Variants in UGT8 observed in about 807,000 individuals in gnomAD.
UGT8 encodes UDP glycosyltransferase 8, also known as 2-hydroxyacylsphingosine 1-beta-galactosyltransferase.
UGT8 carries 12 observed loss-of-function variants against 40.5 expected under a neutral mutation model. The ratio of observed to expected loss-of-function variants is 0.30; its 90% CI spans 0.19 to 0.48. The LOEUF is 0.48. UGT8 is among the 20% of genes least tolerant of loss of function. The probability of loss-of-function intolerance (pLI) is 0.99; values close to 1 mark genes in which losing one functional copy is unlikely to be tolerated. For synonymous variants in UGT8, 224 were observed against 240.4 expected (o/e 0.93, Z 0.63); for missense variants, 513 against 648.7 (o/e 0.79, Z 2.27).
At chr4:114,673,452 G>A (rs554879680) in intron 5 of UGT8, among the ~76,000 whole-genome samples, 5 of 152,274 alleles carry the variant, frequency 3.3e-5, no homozygotes, top group Admixed American at 2.6e-4. Context: ...GAGTCTGACC[G>A]ATGAAAGTCC....
chr4:114,625,882 CT>C (rs1475005787), intron 2 of UGT8, among the ~76,000 whole-genome samples: 1 of 152,098 alleles, frequency 6.6e-6, no homozygotes, highest in Non-Finnish European at 1.5e-5. Context: ...GCTTGACTTT[CT>C]TTGTGGAGTT....
chr4:114,633,834 C>G (rs1732724723), intron 2 of UGT8, among the ~76,000 whole-genome samples: 1 of 152,032 alleles, frequency 6.6e-6, no homozygotes, highest in Non-Finnish European at 1.5e-5. Flanking sequence ...ATCCCAGCTA[C>G]TCGGGAGACT....
Position 114,675,990 on chromosome 4 carries a change from G to A in UGT8, c.1328G>A (p.Arg443Gln), listed in dbSNP as rs1174858436. The A allele has an allele frequency of 1.2e-6, 2 of 1,614,090 alleles. No individual in the cohort carries two copies. Among genetic ancestry groups the A allele is most frequent in the African/African-American group, 1.3e-5 (1 of 75,022 alleles). ...HKDQPGHPVN[R>Q]TIYWIDYIIR... Reference sequence around the variant, plus strand: ...GATCAACCTGGTCACCCTGTCAATCGAACTATCTATTGGATAGATTATATT... The same window carrying A: ...GATCAACCTGGTCACCCTGTCAATCAAACTATCTATTGGATAGATTATATT... The change falls in exon 6 of 6, where the codon CGA (arginine) becomes CAA (glutamine). Residue 443 changes from arginine (R) to glutamine (Q), a missense_variant. This residue lies in a region of UGT8 where 175 missense variants were observed against 186.7 expected (regional missense o/e 0.94). Coordinates refer to ENST00000310836, the MANE Select transcript of UGT8 (RefSeq NM_001128174.3).
intron 2 of UGT8, among the ~76,000 whole-genome samples, chr4:114,630,673 A>T (rs1172650556): frequency 1.3e-5 from 2 of 150,650 alleles, no homozygotes; most frequent in East Asian, 3.9e-4. Flanking sequence ...TATTTTTCTT[A>T]GTGAAGTAGA....
chr4:114,676,429 G>A lies in UGT8; in HGVS notation c.*141G>A. ...ATGAGATCTACTAATGAAATTCTGT[G>A]GAATTAAGATGGCTGTAAAAAGCAC... On this transcript the variant is annotated 3_prime_UTR_variant, in exon 6 of 6. Coordinates refer to ENST00000310836, the MANE Select transcript of UGT8 (RefSeq NM_001128174.3). The A allele has an allele frequency of 2.9e-6, 2 of 699,202 alleles. No homozygotes were observed. The highest frequency in any genetic ancestry group is 2.2e-6 in the Non-Finnish European group (1 of 445,530). 43.3% of individuals were successfully genotyped at this position (699,202 alleles called of 1,614,324 possible).
chr4:114,610,127 C>G (rs1730956124), intron 1 of UGT8, among the ~76,000 whole-genome samples: 2 of 152,068 alleles, frequency 1.3e-5, no homozygotes, highest in Non-Finnish European at 2.9e-5. Flanking sequence ...GCAGTGACAA[C>G]TTTGGAGGGT....
chr4:114,644,336 CTACCTGTTCA>C (rs1227059637), intron 2 of UGT8, among the ~76,000 whole-genome samples: 1 of 152,102 alleles, frequency 6.6e-6, no homozygotes, highest in African/African-American at 2.4e-5. Context: ...GCAGTCAGAC[CTACCTGTTCA>C]TTGGTATCCT....
intron 1 of UGT8, among the ~76,000 whole-genome samples, chr4:114,600,215 G>C (rs1050448764): frequency 8.6e-5 from 13 of 151,626 alleles, no homozygotes; most frequent in Non-Finnish European, 1.6e-4. Context: ...TAGCAGTGAC[G>C]ATAGAGTCTT....
chr4:114,642,920 G>T (rs541403291), intron 2 of UGT8, among the ~76,000 whole-genome samples: 1 of 152,058 alleles, frequency 6.6e-6, no homozygotes, highest in Non-Finnish European at 1.5e-5. Context: ...TCTCTGATTA[G>T]TATCATACCT....
chr4:114,663,858 A>T (rs1560706060), intron 2 of UGT8, 137 bp from the exon 3 acceptor site: 2 of 1,426,084 alleles, frequency 1.4e-6, no homozygotes, highest in Non-Finnish European at 1.8e-6. Context: ...GTTATTTAGA[A>T]GAAAATATCA....
intron 2 of UGT8, among the ~76,000 whole-genome samples, chr4:114,625,156 T>A (rs1321811989): frequency 1.3e-5 from 2 of 152,248 alleles, no homozygotes; most frequent in Admixed American, 6.5e-5. Flanking sequence ...TTCTGCCAGC[T>A]CCCTTTGGTT....
chr4:114,660,316 CAG>C lies in UGT8; in HGVS notation c.823-3676_823-3675del, dbSNP rs201476954. 6.6e-3 allele frequency among the ~76,000 whole-genome samples: 1,001 copies of C among 152,086 alleles called. 5 individuals are homozygous for C. The highest frequency in any genetic ancestry group is 0.021 in the African/African-American group (876 of 41,448). ...ATATTAATGAAATATTAAATATCGA[CAG>C]AGTCGATATAGACAATATGAAAACA... On this transcript the variant is annotated intron_variant, in intron 2 of 5. Transcript: ENST00000310836.
At chr4:114,649,811 T>TA (rs5861188) in intron 2 of UGT8, among the ~76,000 whole-genome samples, 9,131 of 151,488 alleles carry the variant, frequency 0.06, 364 homozygotes, top group East Asian at 0.14. Flanking sequence ...TTTCTTATTT[T>TA]AAAAAAAAAC....
chr4:114,659,736 A>G (rs1560702851), intron 2 of UGT8, among the ~76,000 whole-genome samples: 1 of 152,244 alleles, frequency 6.6e-6, no homozygotes, highest in Non-Finnish European at 1.5e-5. Flanking sequence ...CTGGTAGTAA[A>G]TGGCCATTGA....
In UGT8 at chr4:114,665,602, C is replaced by T. The variant is rs371583354; in HGVS notation, c.966-78C>T. ...AGATCATCAAACATTTATTTTAAAT[C>T]TCATAATTTAATCAGAGAGCCCATA... On this transcript the variant is annotated intron_variant, in intron 3 of 5. Coordinates refer to ENST00000310836, the MANE Select transcript of UGT8 (RefSeq NM_001128174.3). The T allele has an allele frequency of 7.6e-6, 10 of 1,307,638 alleles. No individual in the cohort carries two copies. The African/African-American group carries it at 1.2e-4, about 16-fold the overall frequency. 81.0% of individuals were successfully genotyped at this position (1,307,638 alleles called of 1,614,324 possible).
At position 114,664,091 on chromosome 4, in the gene UGT8, A is replaced by C; in HGVS notation, c.919A>C (p.Lys307Gln). 1 of 1,614,108 alleles carries C rather than the reference A, an allele frequency of 6.2e-7. No individual in the cohort carries two copies. The highest frequency in any genetic ancestry group is 2.2e-5 in the East Asian group (1 of 44,862). Reference sequence around the variant, plus strand: ...GTATCTGTCAGAAGACATTGCTAACAAACTGGCAGGAGCTCTGGGGAGATT... The same window carrying C: ...GTATCTGTCAGAAGACATTGCTAACCAACTGGCAGGAGCTCTGGGGAGATT... ...VKYLSEDIAN[K>Q]LAGALGRLPQ... is the part of the protein sequence containing the mutation. Residue 307 changes from lysine to glutamine, a missense_variant, in exon 3 of 6, where the codon AAA becomes CAA. Around this residue, in one of 3 missense-constraint regions of UGT8, gnomAD observed 335 missense variants for 444.8 expected, o/e 0.75. Coordinates refer to ENST00000310836, the MANE Select transcript of UGT8 (RefSeq NM_001128174.3).
intron 1 of UGT8, among the ~76,000 whole-genome samples, chr4:114,614,742 A>G (rs1335550111): frequency 2.6e-5 from 4 of 152,128 alleles, no homozygotes; most frequent in Non-Finnish European, 4.4e-5. Flanking sequence ...GAGGATTTTG[A>G]AAATCTAGAG....
At chr4:114,641,687 G>A (rs1298576950) in intron 2 of UGT8, among the ~76,000 whole-genome samples, 2 of 152,080 alleles carry the variant, frequency 1.3e-5, no homozygotes, top group Admixed American at 6.6e-5. Flanking sequence ...AACCCATGTA[G>A]TAAACCACTG....
intron 2 of UGT8, among the ~76,000 whole-genome samples, chr4:114,644,530 C>T (rs1733433445): frequency 6.6e-6 from 1 of 152,090 alleles, no homozygotes; most frequent in African/African-American, 2.4e-5. Flanking sequence ...CCTTTCCCTG[C>T]TTGGACTGTG....
Sources: gnomAD v4.1 joint callset for allele counts (sites outside exome capture counted in the v4.1 genomes callset) on GRCh38, gnomAD v4.1.1 for gene constraint, gnomAD v4.1.1 regional missense constraint, MANE v1.5 for transcripts, NCBI Gene and HGNC (gene_info 2026-07-23, HGNC 2026-07-21) for gene names.